The following ZNF510 variants were observed in gnomAD, a reference collection of about 807,000 sequenced individuals.
The protein encoded by ZNF510 is zinc finger protein 510.
A neutral mutation model predicts 18.1 loss-of-function variants in ZNF510; 15 were observed. The ratio of observed to expected loss-of-function variants is 0.83; its 90% CI spans 0.55 to 1.28. The LOEUF (loss-of-function observed/expected upper bound fraction) is 1.28, where lower values mean the gene tolerates loss of function less well. Among genes scored for constraint, ZNF510 ranks in the 50% most tolerant of loss-of-function variants. The probability of loss-of-function intolerance (pLI) is 0.00; values close to 1 mark genes in which losing one functional copy is unlikely to be tolerated. For synonymous variants in ZNF510, 261 were observed against 266.4 expected, an observed-to-expected ratio of 0.98 and a Z score of 0.20; for missense variants, 724 against 791.8, an observed-to-expected ratio of 0.91 and a Z score of 1.03.
rs780366133 is a variant in ZNF510, at chr9:96,763,635, G to A, written c.130-3C>T. On this transcript the variant is annotated splice_polypyrimidine_tract_variant and splice_region_variant and intron_variant, in intron 3 of 5. Coordinates refer to ENST00000223428, the MANE Select transcript of ZNF510 (RefSeq NM_014930.3). ...ACGTCCTTGAATGACACTGATGCCTGTAACAGTACATTTCTATTCAATCTG... is the reference window on the plus strand; with the variant it reads ...ACGTCCTTGAATGACACTGATGCCTATAACAGTACATTTCTATTCAATCTG... 3 of 1,600,108 alleles carry A rather than the reference G, an allele frequency of 1.9e-6. No homozygotes were observed. Among genetic ancestry groups the A allele is most frequent in the South Asian group, 1.1e-5 (1 of 88,342 alleles).
At chr9:96,776,746 C>T (rs111603306) in intron 1 of ZNF510, among the ~76,000 whole-genome samples, 7,324 of 152,274 alleles carry the variant, frequency 0.048, 586 homozygotes, top group African/African-American at 0.17. Context: ...GATCACACCA[C>T]TGCCCTCCAG....
In ZNF510 at chr9:96,776,161, T is replaced by C; in HGVS notation, c.-92A>G. 6.6e-7 allele frequency: 1 copy of C among 1,521,574 alleles called. No individual in the cohort carries two copies. Among genetic ancestry groups the C allele is most frequent in the East Asian group, 2.5e-5 (1 of 40,022 alleles). The allele number at this position is 1,521,574 out of a possible 1,614,324, so 94.3% of individuals were successfully genotyped here. On this transcript the variant is annotated 5_prime_UTR_variant, in exon 2 of 6. Transcript: ENST00000223428. The stretch of plus-strand genomic sequence containing the variant: ...GCTCCTTTCTGGGTTCTTCTGCATC[T>C]GTTTGGAAGCCCTGGTGAGGAGGTC...
chr9:96,774,616 G>A (rs1849649812), intron 3 of ZNF510, among the ~76,000 whole-genome samples, 172 bp downstream of exon 3: 1 of 152,226 alleles, frequency 6.6e-6, no homozygotes, highest in South Asian at 2.1e-4. Flanking sequence ...TGGAAAATCT[G>A]TAACATCAGG....
intron 4 of ZNF510, 56 bp from the exon 5 acceptor site, chr9:96,763,269 A>C (rs996659684): frequency 3.2e-6 from 5 of 1,565,906 alleles, no homozygotes; most frequent in Non-Finnish European, 3.5e-6. Context: ...TTTAGTCTCC[A>C]AAAGTGGAAG....
chr9:96,762,445 C>G (rs1248329961), intron 5 of ZNF510, among the ~76,000 whole-genome samples: 2 of 149,558 alleles, frequency 1.3e-5, no homozygotes, highest in East Asian at 3.9e-4. Flanking sequence ...GGAGGTGGAG[C>G]TTGCAGTGAG....
rs746426593 is a variant in ZNF510, at chr9:96,760,024, CAGTT to C, written c.802_805del (p.Asn268ValfsTer65). The stretch of plus-strand genomic sequence containing the variant: ...TGTGTGAGAACTGTTATGTTTAACA[CAGTT>C]AGCCTTATCATTAAAGGCTTTTCCA... On this transcript the variant is annotated frameshift_variant, in exon 6 of 6. Coordinates refer to ENST00000223428, the MANE Select transcript of ZNF510 (RefSeq NM_014930.3). LOFTEE classifies it low-confidence loss of function (END_TRUNC). 32 of 1,612,710 alleles carry C rather than the reference CAGTT, an allele frequency of 2.0e-5. No homozygotes were observed. The African/African-American group carries it at 2.0e-4, about 10-fold the overall frequency.
At chr9:96,770,595 C>T (rs562191037) in intron 3 of ZNF510, among the ~76,000 whole-genome samples, 1 of 141,436 alleles carries the variant, frequency 7.1e-6, no homozygotes, top group Non-Finnish European at 1.5e-5. Context: ...AAGAGCAAAA[C>T]TCTGTCTCAA....
Position 96,763,724 on chromosome 9 carries a change from T to C in ZNF510, c.130-92A>G, listed in dbSNP as rs1849409910. ...AAACAATTCTTATCAGGTTTAACTCTAAAAAGCTTAAACGAATGTAAAGGA... is the reference window on the plus strand; with the variant it reads ...AAACAATTCTTATCAGGTTTAACTCCAAAAAGCTTAAACGAATGTAAAGGA... On this transcript the variant is annotated intron_variant, in intron 3 of 5. Transcript: ENST00000223428. 5.5e-6 allele frequency: 7 copies of C among 1,261,310 alleles called. 1 individual carries two copies. The highest frequency in any genetic ancestry group is 7.4e-6 in the Non-Finnish European group (7 of 941,094). 78.1% of individuals were successfully genotyped at this position (1,261,310 alleles called of 1,614,324 possible).
Position 96,759,051 on chromosome 9 carries a change from A to G in ZNF510, c.1779T>C (p.Ile593=), listed in dbSNP as rs1293926892. The G allele has an allele frequency of 1.9e-6, 3 of 1,614,026 alleles. No individual in the cohort carries two copies. In the South Asian group the frequency reaches 3.3e-5, roughly 18 times the overall value. ...RTSTLRVHQR[I]HTGEKPFKCN... ...ATTTAAATGGTTTCTCCCCAGTGTG[A>G]ATTCTTTGATGCACTCTGAGGGTTG... The change falls in exon 6 of 6, where the codon ATT becomes ATC. Residue 593 remains isoleucine (I), a synonymous_variant. Coordinates refer to ENST00000223428, the MANE Select transcript of ZNF510 (RefSeq NM_014930.3).
In ZNF510 at chr9:96,759,512, T is replaced by C. The variant is rs374504847; in HGVS notation, c.1318A>G (p.Thr440Ala). The stretch of plus-strand genomic sequence containing the variant: ...CTGAGGTGTGACTTCTGGGAGAAAG[T>C]TTTTCCACATTCACTACATTCAAAT... ...KPFECSECGK[T>A]FSQKSHLSTH... The change falls in exon 6 of 6, where the codon ACT (threonine) becomes GCT (alanine). Residue 440 changes from threonine (T) to alanine (A), a missense_variant. By Grantham distance (58) the Thr-to-Ala change is moderately conservative. Coordinates refer to ENST00000223428, the MANE Select transcript of ZNF510 (RefSeq NM_014930.3). 4 of 1,613,836 alleles carry C rather than the reference T, an allele frequency of 2.5e-6. No homozygotes were observed. The African/African-American group carries it at 4.0e-5, about 16-fold the overall frequency.
chr9:96,763,582 C>T lies in ZNF510; in HGVS notation c.180G>A (p.Trp60Ter), dbSNP rs1183944948. The change falls in exon 4 of 6, where the codon TGG (tryptophan) becomes TGA (stop). Residue 60 changes from tryptophan to a stop codon, truncating the protein, a stop_gained. Coordinates refer to ENST00000223428, the MANE Select transcript of ZNF510 (RefSeq NM_014930.3). LOFTEE classifies it high-confidence loss of function. ...DVTIEFTQEE[W>*]QQMAPVQKNL... Reference sequence around the variant, plus strand: ...TCTTCTGAACAGGGGCCATTTGCTGCCACTCCTCCTGGGTGAATTCTATAG... The same window carrying T: ...TCTTCTGAACAGGGGCCATTTGCTGTCACTCCTCCTGGGTGAATTCTATAG... 2 of 1,613,404 alleles carry T rather than the reference C, an allele frequency of 1.2e-6. No homozygotes were observed. Among genetic ancestry groups the T allele is most frequent in the Non-Finnish European group, 1.7e-6 (2 of 1,179,696 alleles).
chr9:96,758,955 C>T lies in ZNF510; in HGVS notation c.1875G>A (p.Glu625=), dbSNP rs140067323. Residue 625 remains glutamate, a synonymous_variant, in exon 6 of 6, where the codon GAG becomes GAA. Coordinates refer to ENST00000223428, the MANE Select transcript of ZNF510 (RefSeq NM_014930.3). ...CACATTTATTACACTGAAAGGGTTT[C>T]TCCCCTGTGTGAATTCTCTGATGAT... is the stretch of plus-strand genomic sequence containing the variant. ...LSDHQRIHTG[E]KPFQCNKCGK... The T allele has an allele frequency of 2.0e-4, 319 of 1,613,982 alleles. 2 individuals are homozygous for T. Among genetic ancestry groups the T allele is most frequent in the Non-Finnish European group, 2.6e-4 (305 of 1,180,004 alleles).
At chr9:96,768,686 T>G (rs912605799) in intron 3 of ZNF510, among the ~76,000 whole-genome samples, 3 of 152,010 alleles carry the variant, frequency 2.0e-5, no homozygotes, top group Admixed American at 6.6e-5. Flanking sequence ...CTAGAAGAAA[T>G]CAGAGGACCC....
At chr9:96,774,977 G>A (rs1849660141) in intron 2 of ZNF510, 131 bp from the exon 3 acceptor site, 2 of 672,332 alleles carry the variant, frequency 3.0e-6, no homozygotes, top group Non-Finnish European at 5.3e-6. Flanking sequence ...GAAGGGACAA[G>A]CAGCACTACA....
In ZNF510 at chr9:96,755,553, T is replaced by C. The variant is rs1463488508; in HGVS notation, c.*3225A>G. Among the ~76,000 whole-genome samples, 1 of 152,198 alleles carries C rather than the reference T, an allele frequency of 6.6e-6. No individual in the cohort carries two copies. The highest frequency in any genetic ancestry group is 3.2e-3 in the Middle Eastern group (1 of 316). ...AATGTAACTGGCCTATGATATTCTATTTCTTAAGTCCTAAGATGTATTCTT... is the reference window on the plus strand; with the variant it reads ...AATGTAACTGGCCTATGATATTCTACTTCTTAAGTCCTAAGATGTATTCTT... On this transcript the variant is annotated 3_prime_UTR_variant, in exon 6 of 6. Transcript: ENST00000223428.
Position 96,757,255 on chromosome 9 carries a change from T to C in ZNF510, c.*1523A>G, listed in dbSNP as rs1489812594. 6.6e-6 allele frequency: 1 copy of C among 152,088 alleles called. No homozygotes were observed. Among genetic ancestry groups the C allele is most frequent in the African/African-American group, 2.4e-5 (1 of 41,406 alleles). The allele number at this position is 152,088 out of a possible 1,614,324, so 9.4% of individuals were successfully genotyped here. A position where few individuals can be genotyped will look rare whatever the true frequency, so the allele number is the denominator to read the frequency against. ...CTCCTTAAAGCAGATATAGCTGGGG[T>C]ATATGGAGGTGTCAGGAGGTGTGGG... is the stretch of plus-strand genomic sequence containing the variant. On this transcript the variant is annotated 3_prime_UTR_variant, in exon 6 of 6. Transcript: ENST00000223428.
chr9:96,767,643 C>G (rs1849504605), intron 3 of ZNF510, among the ~76,000 whole-genome samples: 1 of 152,018 alleles, frequency 6.6e-6, no homozygotes, highest in African/African-American at 2.4e-5. Context: ...GGACAAATTC[C>G]TAGAAACACA....
Position 96,764,896 on chromosome 9 carries a change from C to T in ZNF510, c.130-1264G>A, listed in dbSNP as rs544028483. Among the ~76,000 whole-genome samples, 21 of 152,080 alleles carry T rather than the reference C, an allele frequency of 1.4e-4. No homozygotes were observed. The South Asian group carries it at 2.5e-3, about 18-fold the overall frequency. On this transcript the variant is annotated intron_variant, in intron 3 of 5. Coordinates refer to ENST00000223428, the MANE Select transcript of ZNF510 (RefSeq NM_014930.3). ...TTGGGAGGCCGAGGCAGGCGGATCA[C>T]GAGGTCAGGAGTTTGAGACCAGCCT...
rs904916432 is a variant in ZNF510 at position 96,755,718 on chromosome 9, C to T, written c.*3060G>A. ...ATCAGAATGTTTAATCAGTCATATG[C>T]ACTATCTTTACAAATGACAATTTAG... is the stretch of plus-strand genomic sequence containing the variant. On this transcript the variant is annotated 3_prime_UTR_variant, in exon 6 of 6. Transcript: ENST00000223428. 1.3e-5 allele frequency: 2 copies of T among 152,068 alleles called. No individual in the cohort carries two copies. Among genetic ancestry groups the T allele is most frequent in the African/African-American group, 4.8e-5 (2 of 41,398 alleles). 9.4% of individuals were successfully genotyped at this position (152,068 alleles called of 1,614,324 possible). A position where few individuals can be genotyped will look rare whatever the true frequency, so the allele number is the denominator to read the frequency against.
Sources: gnomAD v4.1 joint callset for allele counts (sites outside exome capture counted in the v4.1 genomes callset) on GRCh38, gnomAD v4.1.1 for gene constraint, MANE v1.5 for transcripts, NCBI Gene and HGNC (gene_info 2026-07-23, HGNC 2026-07-21) for gene names.